The following CACNB2 variants were observed in gnomAD, a reference collection of about 807,000 sequenced individuals.
CACNB2 encodes voltage-dependent L-type calcium channel subunit beta-2.
Under a neutral mutation model 73.3 loss-of-function variants are expected in CACNB2, and 42 were observed. The observed-to-expected ratio is 0.57, with a 90% confidence interval of 0.45 to 0.74. The LOEUF (loss-of-function observed/expected upper bound fraction) is 0.74. CACNB2 is among the 30% of genes least tolerant of loss of function. The pLI is 0.00. For missense variants in CACNB2, 940 were observed against 853.0 expected (o/e 1.10, Z -1.27); for synonymous variants, 348 against 310.3 (o/e 1.12, Z -1.28).
intron 12 of CACNB2, among the ~76,000 whole-genome samples, chr10:18,537,754 G>A (rs2053744026): frequency 6.7e-6 from 1 of 148,872 alleles, no homozygotes; most frequent in African/African-American, 2.4e-5. Flanking sequence ...TCCAGCCTGG[G>A]TAACAGAGTA....
intron 2 of CACNB2, among the ~76,000 whole-genome samples, chr10:18,161,614 G>A (rs1357806053): frequency 7.0e-6 from 1 of 142,728 alleles, no homozygotes; most frequent in African/African-American, 2.6e-5. Flanking sequence ...CTGAAAGTTG[G>A]AACATGGCAA....
At chr10:18,470,772 A>G (rs571871462) in intron 3 of CACNB2, among the ~76,000 whole-genome samples, 3 of 152,232 alleles carry the variant, frequency 2.0e-5, no homozygotes, top group South Asian at 2.1e-4. Context: ...GTTTGTTGCA[A>G]TCTTTCTCAA....
intron 9 of CACNB2, among the ~76,000 whole-genome samples, chr10:18,525,479 T>C (rs2133214404): frequency 6.6e-6 from 1 of 152,334 alleles, no homozygotes; most frequent in East Asian, 1.9e-4. Context: ...ACCTTGTGGC[T>C]TCCATTGTTG....
chr10:18,285,044 A>G (rs936279434), intron 2 of CACNB2, among the ~76,000 whole-genome samples: 29 of 152,348 alleles, frequency 1.9e-4, no homozygotes, highest in Non-Finnish European at 2.2e-4. Context: ...AAAGGCCAGC[A>G]GTCAGCAGTT....
In CACNB2 at chr10:18,542,841, T is replaced by C. The variant is rs945274303; in HGVS notation, c.*3117T>C. Reference sequence around the variant, plus strand: ...AACCTACTCAGTTGTAGAGCCATTTTTGTAGTCAACCTAGAAAATGCTGGA... The same window carrying C: ...AACCTACTCAGTTGTAGAGCCATTTCTGTAGTCAACCTAGAAAATGCTGGA... On this transcript the variant is annotated 3_prime_UTR_variant, in exon 14 of 14. Transcript: ENST00000324631. 2.0e-5 allele frequency: 3 copies of C among 152,166 alleles called. No individual in the cohort carries two copies. Among genetic ancestry groups the C allele is most frequent in the Non-Finnish European group, 4.4e-5 (3 of 68,030 alleles). 9.4% of individuals were successfully genotyped at this position (152,166 alleles called of 1,614,324 possible).
intron 3 of CACNB2, among the ~76,000 whole-genome samples, chr10:18,411,141 T>C (rs2044603792): frequency 6.6e-6 from 1 of 152,236 alleles, no homozygotes; most frequent in South Asian, 2.1e-4. Context: ...ACTCTTTGCT[T>C]ATAAGCATGT....
At chr10:18,445,512 C>T (rs1049341502) in intron 3 of CACNB2, among the ~76,000 whole-genome samples, 3 of 152,076 alleles carry the variant, frequency 2.0e-5, no homozygotes, top group East Asian at 3.8e-4. Context: ...AGGAGATTTC[C>T]GAGGTACGTA....
At chr10:18,485,254 T>C (rs1310335243) in intron 3 of CACNB2, among the ~76,000 whole-genome samples, 5 of 152,222 alleles carry the variant, frequency 3.3e-5, no homozygotes. Flanking sequence ...TTTATTATCA[T>C]TGAAAGTTAG....
chr10:18,220,533 C>T (rs887558194), intron 2 of CACNB2, among the ~76,000 whole-genome samples: 1 of 151,694 alleles, frequency 6.6e-6, no homozygotes, highest in African/African-American at 2.4e-5. Context: ...AAGTTCTGGG[C>T]TTACAGGTGT....
chr10:18,523,363 G>T (rs929942119), intron 9 of CACNB2, among the ~76,000 whole-genome samples: 2 of 152,216 alleles, frequency 1.3e-5, no homozygotes, highest in Non-Finnish European at 2.9e-5. Context: ...AGTAAGTTTT[G>T]AATTTGGAAG....
chr10:18,482,421 A>G (rs1029203184), intron 3 of CACNB2, among the ~76,000 whole-genome samples: 8 of 152,174 alleles, frequency 5.3e-5, no homozygotes, highest in Admixed American at 5.2e-4. Flanking sequence ...TGAAACATCA[A>G]CTGACAGAAG....
intron 2 of CACNB2, among the ~76,000 whole-genome samples, chr10:18,177,824 C>T (rs1157408075): frequency 6.6e-6 from 1 of 152,188 alleles, no homozygotes; most frequent in Non-Finnish European, 1.5e-5. Context: ...TGTGGAATTA[C>T]AGCTATTTGG....
At position 18,540,248 on chromosome 10, in the gene CACNB2, TA is replaced by T. The variant is rs2053994124; in HGVS notation, c.*525del. The T allele has an allele frequency of 5.8e-6, 1 of 173,248 alleles. No homozygotes were observed. The highest frequency in any genetic ancestry group is 1.2e-5 in the Non-Finnish European group (1 of 80,060). 10.7% of individuals were successfully genotyped at this position (173,248 alleles called of 1,614,324 possible). On this transcript the variant is annotated 3_prime_UTR_variant, in exon 14 of 14. Coordinates refer to ENST00000324631, the MANE Select transcript of CACNB2 (RefSeq NM_201596.3). Reference sequence around the variant, plus strand: ...CAAAGGGGATCATAAAGTTAGAATCTATTTTCTATGTACTAGTACTGTGTAC... The same window carrying T: ...CAAAGGGGATCATAAAGTTAGAATCTTTTTCTATGTACTAGTACTGTGTAC...
At chr10:18,366,528 A>G (rs1183675736) in intron 2 of CACNB2, among the ~76,000 whole-genome samples, 4 of 149,772 alleles carry the variant, frequency 2.7e-5, no homozygotes, top group Admixed American at 2.0e-4. Context: ...GCTTTTAATA[A>G]TCAATTAATA....
At chr10:18,154,842 A>T (rs2031912357) in intron 2 of CACNB2, among the ~76,000 whole-genome samples, 1 of 152,228 alleles carries the variant, frequency 6.6e-6, no homozygotes, top group Admixed American at 6.5e-5. Context: ...GGACACAGTG[A>T]GGAGGCAGCA....
At position 18,182,490 on chromosome 10, in the gene CACNB2, A is replaced by G. The variant is rs377723366; in HGVS notation, c.213+31515A>G. ...ACACATGCCTGTAATAGAAAATTTG[A>G]AAAAGGAAAAGCATTTCAGGAAGAA... On this transcript the variant is annotated intron_variant, in intron 2 of 13. Transcript: ENST00000324631. Among the ~76,000 whole-genome samples the G allele has an allele frequency of 7.3e-5, 11 of 151,634 alleles. No homozygotes were observed. The East Asian group carries it at 1.9e-3, about 27-fold the overall frequency.
chr10:18,473,572 G>A (rs1398572574), intron 3 of CACNB2, among the ~76,000 whole-genome samples: 2 of 152,088 alleles, frequency 1.3e-5, no homozygotes, highest in Non-Finnish European at 2.9e-5. Flanking sequence ...ATTTTCCTAG[G>A]AACAGACTCT....
At chr10:18,203,639 C>A (rs751495309) in intron 2 of CACNB2, among the ~76,000 whole-genome samples, 1 of 152,068 alleles carries the variant, frequency 6.6e-6, no homozygotes, top group African/African-American at 2.4e-5. Context: ...CATAACGGGG[C>A]GAGTGATCGT....
intron 3 of CACNB2, among the ~76,000 whole-genome samples, chr10:18,443,052 T>A (rs1359589457): frequency 7.0e-6 from 1 of 142,998 alleles, no homozygotes; most frequent in Non-Finnish European, 1.5e-5. Context: ...GGAACTTAAC[T>A]ATACATAATT....
Sources: allele counts gnomAD v4.1 joint callset (sites outside exome capture counted in the v4.1 genomes callset), GRCh38; gene constraint gnomAD v4.1.1; transcripts MANE v1.5; gene names NCBI Gene and HGNC (gene_info 2026-07-23, HGNC 2026-07-21).